Variants in FAM135B observed in about 807,000 individuals in gnomAD.
FAM135B encodes the protein protein FAM135B.
Under a neutral mutation model 127.7 loss-of-function variants are expected in FAM135B, and 43 were observed. The ratio of observed to expected loss-of-function variants is 0.34; its 90% CI spans 0.26 to 0.43. The LOEUF (loss-of-function observed/expected upper bound fraction) is 0.43, where lower values mean the gene tolerates loss of function less well. Ranked by LOEUF, FAM135B falls within the 20% of genes least tolerant of loss-of-function variation. FAM135B has a pLI of 1.00. For missense variants in FAM135B, 1,558 were observed against 1,725.6 expected, an observed-to-expected ratio of 0.90 and a Z score of 1.72; for synonymous variants, 670 against 665.1, an observed-to-expected ratio of 1.01 and a Z score of -0.11.
chr8:138,136,041 T>C (rs1816632622), intron 19 of FAM135B, among the ~76,000 whole-genome samples: 2 of 152,096 alleles, frequency 1.3e-5, no homozygotes, highest in African/African-American at 4.8e-5. Flanking sequence ...AAATATTCTA[T>C]AATGTTTTTA....
At chr8:138,431,001 A>G (rs747139187) in intron 1 of FAM135B, among the ~76,000 whole-genome samples, 11 of 152,190 alleles carry the variant, frequency 7.2e-5, no homozygotes, top group Non-Finnish European at 1.5e-4. Flanking sequence ...GTAAGTCTCC[A>G]TACAGTTTCT....
chr8:138,460,269 T>C (rs1377017583), intron 1 of FAM135B, among the ~76,000 whole-genome samples: 1 of 152,186 alleles, frequency 6.6e-6, no homozygotes, highest in Non-Finnish European at 1.5e-5. Context: ...TAGTAAGCAG[T>C]GCAGCCAGGA....
At chr8:138,240,067 T>C (rs1442171399) in intron 7 of FAM135B, among the ~76,000 whole-genome samples, 3 of 152,012 alleles carry the variant, frequency 2.0e-5, no homozygotes, top group South Asian at 2.1e-4. Flanking sequence ...TTAATGGGTG[T>C]AGCACACCAA....
At chr8:138,173,185 C>T (rs1814083013) in intron 11 of FAM135B, among the ~76,000 whole-genome samples, 1 of 152,166 alleles carries the variant, frequency 6.6e-6, no homozygotes. Flanking sequence ...ACATACAGGA[C>T]CTGGTTCATC....
intron 7 of FAM135B, among the ~76,000 whole-genome samples, chr8:138,203,885 A>T (rs780811831): frequency 2.8e-4 from 43 of 152,172 alleles, no homozygotes; most frequent in Non-Finnish European, 5.3e-4. Flanking sequence ...ACAGTGACAG[A>T]TCATCAGGTA....
chr8:138,139,659 G>C (rs1444537391), intron 17 of FAM135B, among the ~76,000 whole-genome samples: 1 of 152,142 alleles, frequency 6.6e-6, no homozygotes, highest in African/African-American at 2.4e-5. Flanking sequence ...CCAGCTACTT[G>C]GGAGGCTGAG....
intron 1 of FAM135B, among the ~76,000 whole-genome samples, chr8:138,370,041 C>G (rs1321286955): frequency 6.6e-6 from 1 of 152,172 alleles, no homozygotes; most frequent in African/African-American, 2.4e-5. Context: ...CCATGCATGA[C>G]TTCACACAAT....
intron 1 of FAM135B, among the ~76,000 whole-genome samples, chr8:138,414,115 A>AATATATATATATATATATATATATAT (rs1203347529): frequency 2.4e-5 from 2 of 83,244 alleles, no homozygotes; most frequent in Non-Finnish European, 5.3e-5. Flanking sequence ...TTCACACACA[A>AATATATATATATATATATATATATAT]ATACATATAT....
intron 1 of FAM135B, among the ~76,000 whole-genome samples, chr8:138,410,273 C>T (rs1833783638): frequency 6.6e-6 from 1 of 152,178 alleles, no homozygotes. Flanking sequence ...TTCCCAAATG[C>T]AATGCAGTTT....
At chr8:138,253,492 C>T (rs929443554) in intron 5 of FAM135B, among the ~76,000 whole-genome samples, 5 of 152,162 alleles carry the variant, frequency 3.3e-5, no homozygotes, top group Admixed American at 2.6e-4. Context: ...ATGGCAATAT[C>T]TAAGTGTGAC....
At chr8:138,279,921 T>C (rs906479949) in intron 3 of FAM135B, among the ~76,000 whole-genome samples, 1 of 152,204 alleles carries the variant, frequency 6.6e-6, no homozygotes, top group Non-Finnish European at 1.5e-5. Flanking sequence ...TGAGTGTTAG[T>C]CTGGGGAACT....
intron 1 of FAM135B, among the ~76,000 whole-genome samples, chr8:138,368,611 G>C (rs1830917252): frequency 6.6e-6 from 1 of 152,158 alleles, no homozygotes; most frequent in Non-Finnish European, 1.5e-5. Context: ...GAAGATGGCT[G>C]GAGCAATATC....
chr8:138,305,923 A>AT (rs1466870031), intron 3 of FAM135B, among the ~76,000 whole-genome samples: 2 of 152,156 alleles, frequency 1.3e-5, no homozygotes, highest in African/African-American at 2.4e-5. Flanking sequence ...ACATGCATGT[A>AT]TATGTATACA....
chr8:138,279,264 G>A (rs894223602), intron 3 of FAM135B, among the ~76,000 whole-genome samples: 17 of 152,094 alleles, frequency 1.1e-4, no homozygotes, highest in Non-Finnish European at 1.8e-4. Context: ...TTGTTCCTCC[G>A]AGCAGCAGTT....
At chr8:138,195,189 CA>C in intron 9 of FAM135B, 68 bp downstream of exon 9, 2 of 1,484,714 alleles carry the variant, frequency 1.3e-6, no homozygotes, top group Non-Finnish European at 1.9e-6. Flanking sequence ...TTACAGCAAG[CA>C]AGCAACTGCA....
At chr8:138,404,943 A>G (rs1833369999) in intron 1 of FAM135B, among the ~76,000 whole-genome samples, 1 of 152,140 alleles carries the variant, frequency 6.6e-6, no homozygotes, top group African/African-American at 2.4e-5. Context: ...TGAATCACCA[A>G]TGTTCTTAAT....
chr8:138,343,806 T>C (rs1024026171), intron 2 of FAM135B, among the ~76,000 whole-genome samples: 12 of 152,170 alleles, frequency 7.9e-5, no homozygotes, highest in African/African-American at 2.9e-4. Context: ...AAAACCTGCA[T>C]TCCCTGAGGA....
chr8:138,286,569 C>G (rs926325050), intron 3 of FAM135B, among the ~76,000 whole-genome samples: 186 of 152,244 alleles, frequency 1.2e-3, no homozygotes, highest in African/African-American at 4.3e-3. Context: ...CTAAGGCAAT[C>G]CCAGGCAACA....
intron 1 of FAM135B, among the ~76,000 whole-genome samples, chr8:138,417,125 C>T (rs148636007): frequency 2.6e-5 from 4 of 152,338 alleles, no homozygotes; most frequent in Non-Finnish European, 5.9e-5. Flanking sequence ...TCCTCCTAGG[C>T]TCACAATACC....
Sources: allele counts gnomAD v4.1 joint callset (sites outside exome capture counted in the v4.1 genomes callset), GRCh38; gene constraint gnomAD v4.1.1; transcripts MANE v1.5; gene names NCBI Gene and HGNC (gene_info 2026-07-23, HGNC 2026-07-21).